The following P4HA3 variants were observed in gnomAD, a reference collection of about 807,000 sequenced individuals.
P4HA3 encodes the protein prolyl 4-hydroxylase subunit alpha 3.
A neutral mutation model predicts 66.7 loss-of-function variants in P4HA3; 60 were observed. The observed-to-expected ratio is 0.90, with a 90% CI of 0.73 to 1.12. The LOEUF (loss-of-function observed/expected upper bound fraction) is 1.12, where lower values mean the gene tolerates loss of function less well. P4HA3 is among the 50% of genes most tolerant of loss of function. P4HA3 has a pLI of 0.00. For missense variants in P4HA3, 683 were observed against 685.8 expected (o/e 1.00, Z 0.05); for synonymous variants, 263 against 274.6 (o/e 0.96, Z 0.42).
intron 4 of P4HA3, among the ~76,000 whole-genome samples, chr11:74,297,992 T>C (rs1861281760): frequency 6.6e-6 from 1 of 152,238 alleles, no homozygotes; most frequent in Admixed American, 6.5e-5. Flanking sequence ...AGTCTAATCC[T>C]AGGTCTATAA....
At chr11:74,291,226 C>T (rs370384259) in intron 4 of P4HA3, among the ~76,000 whole-genome samples, 14 of 152,030 alleles carry the variant, frequency 9.2e-5, no homozygotes, top group East Asian at 5.8e-4. Context: ...GGGAGTTCAC[C>T]CATGATTTGG....
At chr11:74,270,228 A>G (rs540837533) in intron 10 of P4HA3, among the ~76,000 whole-genome samples, 46 of 152,310 alleles carry the variant, frequency 3.0e-4, no homozygotes, top group Middle Eastern at 3.4e-3. Context: ...CTCACAACCT[A>G]TAATGGATCA....
intron 4 of P4HA3, among the ~76,000 whole-genome samples, chr11:74,293,135 T>C (rs995805889): frequency 2.0e-5 from 3 of 152,074 alleles, no homozygotes; most frequent in African/African-American, 7.2e-5. Flanking sequence ...TGCTCCTGTA[T>C]TGGGTGCATA....
At position 74,302,428 on chromosome 11, in the gene P4HA3, G is replaced by C. The variant is rs1215436852; in HGVS notation, c.508C>G (p.Leu170Val). 1.2e-6 allele frequency: 2 copies of C among 1,614,038 alleles called. No individual in the cohort carries two copies. Among genetic ancestry groups the C allele is most frequent in the South Asian group, 2.2e-5 (2 of 91,088 alleles). Residue 170 changes from leucine to valine, a missense_variant, in exon 3 of 13, where the codon CTG becomes GTG. Coordinates refer to ENST00000331597, the MANE Select transcript of P4HA3 (RefSeq NM_182904.5). The part of the protein sequence containing the change: ...QRVTGSAITD[L>V]YSPKRLFSLT... ...GAAAAGAGCCGTTTGGGGCTGTACAGGTCAGTGATGGCAGAGCCAGTGACT... is the reference window on the plus strand; with the variant it reads ...GAAAAGAGCCGTTTGGGGCTGTACACGTCAGTGATGGCAGAGCCAGTGACT...
At chr11:74,265,991 G>GTGGTGGC (rs1859984324), downstream of P4HA3, among the ~76,000 whole-genome samples, 1 of 152,178 alleles carries the variant, frequency 6.6e-6, no homozygotes, top group African/African-American at 2.4e-5. Flanking sequence ...AAGTGGCTGG[G>GTGGTGGC]TGGTGGCATG....
Position 74,285,853 on chromosome 11 carries a change from T to C in P4HA3, c.1066A>G (p.Ser356Gly), listed in dbSNP as rs756283445. The C allele has an allele frequency of 3.1e-6, 5 of 1,614,002 alleles. No homozygotes were observed. In the African/African-American group the frequency reaches 4.0e-5, roughly 13 times the overall value. The stretch of plus-strand genomic sequence containing the variant: ...CTAATTTTCTGAGCCTCTGAGTCAC[T>C]GACGAAGTCATGGTAGAGAGCAATG... Reference protein sequence around the residue: ...PYIALYHDFVSDSEAQKIREL... With the variant: ...PYIALYHDFVGDSEAQKIREL... Residue 356 changes from serine (S) to glycine (G), a missense_variant, in exon 7 of 13, where the codon AGT becomes GGT. Transcript: ENST00000331597.
At chr11:74,262,313 C>T (rs1859920104), downstream of P4HA3, among the ~76,000 whole-genome samples, 1 of 152,090 alleles carries the variant, frequency 6.6e-6, no homozygotes, top group South Asian at 2.1e-4. Flanking sequence ...TCACTCAAAC[C>T]TTAGGGAGAA....
chr11:74,274,391 T>C (rs548421186), intron 9 of P4HA3, among the ~76,000 whole-genome samples: 23 of 151,342 alleles, frequency 1.5e-4, no homozygotes, highest in Admixed American at 6.6e-4. Context: ...CTGCAACCTC[T>C]GCCTCCCAGG....
chr11:74,289,536 C>T (rs578192868), intron 4 of P4HA3, among the ~76,000 whole-genome samples: 186 of 151,864 alleles, frequency 1.2e-3, no homozygotes, highest in African/African-American at 4.3e-3. Flanking sequence ...TGTTGGTGTG[C>T]TGCACCCATT....
chr11:74,311,569 C>A lies in P4HA3; in HGVS notation c.43G>T (p.Ala15Ser). Reference protein sequence around the residue: ...ARLAALLAVLALGTGDPERAA... With the variant: ...ARLAALLAVLSLGTGDPERAA... ...CTTTCTGGGTCTCCTGTCCCGAGCGCCAGCACCGCCAGCAGCGCCGCCAGC... is the reference window on the plus strand; with the variant it reads ...CTTTCTGGGTCTCCTGTCCCGAGCGACAGCACCGCCAGCAGCGCCGCCAGC... The change falls in exon 1 of 13, where the codon GCG becomes TCG. Residue 15 changes from alanine to serine, a missense_variant. Ala to Ser is a moderately conservative substitution (Grantham distance 99). Coordinates refer to ENST00000331597, the MANE Select transcript of P4HA3 (RefSeq NM_182904.5). The A allele has an allele frequency of 1.3e-6, 2 of 1,533,716 alleles. No individual in the cohort carries two copies. The highest frequency in any genetic ancestry group is 8.7e-7 in the Non-Finnish European group (1 of 1,151,304).
downstream of P4HA3, among the ~76,000 whole-genome samples, chr11:74,262,619 G>A (rs983508462): frequency 8.5e-5 from 13 of 152,182 alleles, no homozygotes; most frequent in African/African-American, 3.1e-4. Flanking sequence ...GATGATAACT[G>A]TTGTGAATAT....
At position 74,267,243 on chromosome 11, in the gene P4HA3, A is replaced by G; in HGVS notation, c.*5T>C. On this transcript the variant is annotated 3_prime_UTR_variant, in exon 13 of 13. Coordinates refer to ENST00000331597, the MANE Select transcript of P4HA3 (RefSeq NM_182904.5). ...GGACTCCACCAGCTTCTCTCTGCCA[A>G]CAGTTCAGTCTTCAGGGCTGGAGCT... is the stretch of plus-strand genomic sequence containing the variant. 6.2e-7 allele frequency: 1 copy of G among 1,614,124 alleles called. No individual in the cohort carries two copies. Among genetic ancestry groups the G allele is most frequent in the East Asian group, 2.2e-5 (1 of 44,878 alleles).
At chr11:74,298,990 T>A (rs370392293) in intron 3 of P4HA3, among the ~76,000 whole-genome samples, 16 of 152,264 alleles carry the variant, frequency 1.1e-4, no homozygotes, top group African/African-American at 3.6e-4. Context: ...ATTCATTCAT[T>A]CATTCATTTA....
At chr11:74,298,126 A>G in intron 4 of P4HA3, 86 bp downstream of exon 4, 1 of 1,481,854 alleles carries the variant, frequency 6.7e-7, no homozygotes, top group Non-Finnish European at 9.1e-7. Context: ...ACAGATGAAG[A>G]CATGAAAATA....
At chr11:74,251,307 A>C in intron 15 of P4HA3, 6 of 1,364,258 alleles carry the variant, frequency 4.4e-6, no homozygotes, top group Non-Finnish European at 5.7e-6. Context: ...GAGATGGAAG[A>C]GGGATGATTA....
chr11:74,253,846 A>G, intron 15 of P4HA3: 1 of 453,292 alleles, frequency 2.2e-6, no homozygotes, highest in South Asian at 3.7e-5. Flanking sequence ...ATCAGGCGAT[A>G]CATCTGAGTT....
chr11:74,295,031 C>A (rs541858724), intron 4 of P4HA3, among the ~76,000 whole-genome samples: 1 of 152,128 alleles, frequency 6.6e-6, no homozygotes, highest in East Asian at 1.9e-4. Flanking sequence ...AGCTGTAGAC[C>A]GGAGCTGTTC....
chr11:74,300,229 C>T (rs1861363033), intron 3 of P4HA3, among the ~76,000 whole-genome samples: 2 of 152,176 alleles, frequency 1.3e-5, no homozygotes, highest in South Asian at 4.1e-4. Context: ...GGGAAAATGT[C>T]CTGCTGAAAA....
intron 1 of P4HA3, among the ~76,000 whole-genome samples, chr11:74,305,127 T>C (rs1051021185): frequency 3.3e-5 from 5 of 152,114 alleles, no homozygotes; most frequent in African/African-American, 1.2e-4. Context: ...CATGGACTGG[T>C]ACCGGTCCCT....
Sources: gnomAD v4.1 joint callset for allele counts (sites outside exome capture counted in the v4.1 genomes callset) on GRCh38, gnomAD v4.1.1 for gene constraint, MANE v1.5 for transcripts, NCBI Gene and HGNC (gene_info 2026-07-23, HGNC 2026-07-21) for gene names.